The following IGLON5 variants were observed in gnomAD, a reference collection of about 807,000 sequenced individuals.
The protein encoded by IGLON5 is IgLON family member 5, also known as Ig-like domain-containing protein ENSP00000270642.
IGLON5 carries 16 observed loss-of-function variants against 38.2 expected under a neutral mutation model. The observed-to-expected ratio is 0.42, with a 90% CI of 0.28 to 0.64. The LOEUF is 0.64. Ranked by LOEUF, IGLON5 falls within the 30% of genes least tolerant of loss-of-function variation. IGLON5 has a pLI of 0.23. For synonymous variants in IGLON5, 207 were observed against 216.4 expected (o/e 0.96, Z 0.38); for missense variants, 366 against 483.4 (o/e 0.76, Z 2.28).
At chr19:51,322,796 CCCCCTCTCTCTCTGGGTCTCTGTA>C (rs1483734097) in intron 2 of IGLON5, among the ~76,000 whole-genome samples, 1 of 150,834 alleles carries the variant, frequency 6.6e-6, no homozygotes, top group Non-Finnish European at 1.5e-5. Context: ...GGGTCTCTGC[CCCCCTCTCTCTCTGGGTCTCTGTA>C]CCCCTCTCTC....
In IGLON5 at chr19:51,330,060, CCAGA is replaced by C. The variant is rs945696080; in HGVS notation, c.*1304_*1307del. 11 of 152,298 alleles carry C rather than the reference CCAGA, an allele frequency of 7.2e-5. No individual in the cohort carries two copies. Among genetic ancestry groups the C allele is most frequent in the African/African-American group, 2.7e-4 (11 of 41,424 alleles). 9.4% of individuals were successfully genotyped at this position (152,298 alleles called of 1,614,324 possible). A position where few individuals can be genotyped will look rare whatever the true frequency, so the allele number is the denominator to read the frequency against. ...GAGGCATCACACAGACATCCTGAGC[CCAGA>C]CAAAGATGCCATGTCACCAACTCCG... is the stretch of plus-strand genomic sequence containing the variant. On this transcript the variant is annotated 3_prime_UTR_variant, in exon 8 of 8. Coordinates refer to ENST00000270642, the MANE Select transcript of IGLON5 (RefSeq NM_001101372.3).
At position 51,327,614 on chromosome 19, in the gene IGLON5, A is replaced by C; in HGVS notation, c.768-118A>C. The C allele has an allele frequency of 7.1e-7, 1 of 1,401,518 alleles. No individual in the cohort carries two copies. The allele number at this position is 1,401,518 out of a possible 1,614,324, so 86.8% of individuals were successfully genotyped here. A position where few individuals can be genotyped will look rare whatever the true frequency, so the allele number is the denominator to read the frequency against. ...ACATGAGGTGCTAGAACCCGAGGCGATGGGTCACTGGGGTAGGGGGCAGAA... is the reference window on the plus strand; with the variant it reads ...ACATGAGGTGCTAGAACCCGAGGCGCTGGGTCACTGGGGTAGGGGGCAGAA... On this transcript the variant is annotated intron_variant, in intron 6 of 7. Coordinates refer to ENST00000270642, the MANE Select transcript of IGLON5 (RefSeq NM_001101372.3). The surrounding 1 kb of genome is among the most constrained non-coding windows in gnomAD (Gnocchi z 7.1).
At chr19:51,316,869 C>G (rs1165640257) in intron 1 of IGLON5, among the ~76,000 whole-genome samples, 1 of 152,054 alleles carries the variant, frequency 6.6e-6, no homozygotes, top group African/African-American at 2.4e-5. Flanking sequence ...ATAACAGGCC[C>G]AGCCCCTTCT....
chr19:51,328,992 ACGTTTC>A lies in IGLON5; in HGVS notation c.*236_*241del, dbSNP rs1568460327. The A allele has an allele frequency of 2.2e-6, 1 of 461,466 alleles. No individual in the cohort carries two copies. The highest frequency in any genetic ancestry group is 3.9e-6 in the Non-Finnish European group (1 of 258,624). The allele number at this position is 461,466 out of a possible 1,614,324, so 28.6% of individuals were successfully genotyped here. On this transcript the variant is annotated 3_prime_UTR_variant, in exon 8 of 8. Coordinates refer to ENST00000270642, the MANE Select transcript of IGLON5 (RefSeq NM_001101372.3). ...CTACAGCCATTCTCGCCACCCGTTC[ACGTTTC>A]CGATTGTGACCCACTCCCGCCACCC... is the stretch of plus-strand genomic sequence containing the variant.
At chr19:51,315,583 T>C (rs1472011097) in intron 1 of IGLON5, among the ~76,000 whole-genome samples, 1 of 151,346 alleles carries the variant, frequency 6.6e-6, no homozygotes, top group Non-Finnish European at 1.5e-5. Flanking sequence ...ATGAGTAATG[T>C]AAAGAAGATA....
At chr19:51,328,603 C>A in intron 7 of IGLON5, 68 bp from the exon 8 acceptor site, 1 of 1,007,694 alleles carries the variant, frequency 9.9e-7, no homozygotes, top group South Asian at 1.7e-5. Context: ...GAGATGGGGC[C>A]CCTGGAGAGA....
At chr19:51,313,703 TTC>T (rs377190482) in intron 1 of IGLON5, among the ~76,000 whole-genome samples, 2 of 124,494 alleles carry the variant, frequency 1.6e-5, no homozygotes, top group Non-Finnish European at 3.5e-5. Context: ...TTCTTCTTTC[TTC>T]TCTTTTTTTC....
intron 1 of IGLON5, among the ~76,000 whole-genome samples, chr19:51,313,626 TC>T: frequency 1.6e-5 from 2 of 128,100 alleles, no homozygotes; most frequent in Non-Finnish European, 1.5e-5. Flanking sequence ...TCCTTCTTTC[TC>T]TTTTTCTCTC....
At position 51,328,900 on chromosome 19, in the gene IGLON5, A is replaced by C. The variant is rs1040809033; in HGVS notation, c.*141A>C. 3.0e-5 allele frequency: 17 copies of C among 563,260 alleles called. 1 individual carries two copies. Among genetic ancestry groups the C allele is most frequent in the African/African-American group, 1.6e-4 (8 of 51,124 alleles). The allele number at this position is 563,260 out of a possible 1,614,324, so 34.9% of individuals were successfully genotyped here. A position where few individuals can be genotyped will look rare whatever the true frequency, so the allele number is the denominator to read the frequency against. Reference sequence around the variant, plus strand: ...GAAGAAGAGAGAGGAGAAGAGGAGGAGGCAGAGGAAGAAAGATCTTCAGAG... The same window carrying C: ...GAAGAAGAGAGAGGAGAAGAGGAGGCGGCAGAGGAAGAAAGATCTTCAGAG... On this transcript the variant is annotated 3_prime_UTR_variant, in exon 8 of 8. Transcript: ENST00000270642.
Position 51,324,415 on chromosome 19 carries a change from G to A in IGLON5, c.391+521G>A, listed in dbSNP as rs953138526. Among the ~76,000 whole-genome samples the A allele has an allele frequency of 6.6e-6, 1 of 152,184 alleles. No individual in the cohort carries two copies. Among genetic ancestry groups the A allele is most frequent in the Admixed American group, 6.5e-5 (1 of 15,284 alleles). On this transcript the variant is annotated intron_variant, in intron 3 of 7. Transcript: ENST00000270642. The surrounding 1 kb of genome is among the most constrained non-coding windows in gnomAD (Gnocchi z 4.2). ...GCGCCAGATCCAGAGCAGGAGAGAT[G>A]GGGCTGGAGAGCTCCACAGTGAGGC...
chr19:51,322,076 A>G lies in IGLON5; in HGVS notation c.92A>G (p.Gln31Arg), dbSNP rs1363055888. 1 of 1,613,212 alleles carries G rather than the reference A, an allele frequency of 6.2e-7. No individual in the cohort carries two copies. Among genetic ancestry groups the G allele is most frequent in the African/African-American group, 1.3e-5 (1 of 74,932 alleles). ...CCACCTTCCACAGGGCTGCTCTCCC[A>G]GAGCCTGGAGTTCAACTCTCCTGCC... is the stretch of plus-strand genomic sequence containing the variant. ...LAVISRGLLS[Q>R]SLEFNSPADN... The change falls in exon 2 of 8, where the codon CAG becomes CGG. Residue 31 changes from glutamine (Q) to arginine (R), a missense_variant. Gln to Arg is a conservative substitution (Grantham distance 43, BLOSUM62 1). Transcript: ENST00000270642.
intron 7 of IGLON5, among the ~76,000 whole-genome samples, chr19:51,328,356 A>T (rs1307048119): frequency 6.6e-6 from 1 of 151,016 alleles, no homozygotes; most frequent in African/African-American, 2.4e-5. Flanking sequence ...AAAAAAAAAT[A>T]CAAAAATTAG....
At chr19:51,328,505 G>GAA (rs61422289) in intron 7 of IGLON5, among the ~76,000 whole-genome samples, 166 bp from the exon 8 acceptor site, 100 of 111,120 alleles carry the variant, frequency 9.0e-4, no homozygotes, top group South Asian at 2.4e-3. Flanking sequence ...CTCAAAAAAA[G>GAA]AAAAAAAAAA....
At position 51,328,915 on chromosome 19, in the gene IGLON5, G is replaced by C. The variant is rs1985281625; in HGVS notation, c.*156G>C. 2 of 545,290 alleles carry C rather than the reference G, an allele frequency of 3.7e-6. No individual in the cohort carries two copies. The highest frequency in any genetic ancestry group is 4.8e-5 in the South Asian group (2 of 41,946). The allele number at this position is 545,290 out of a possible 1,614,324, so 33.8% of individuals were successfully genotyped here. A position where few individuals can be genotyped will look rare whatever the true frequency, so the allele number is the denominator to read the frequency against. On this transcript the variant is annotated 3_prime_UTR_variant, in exon 8 of 8. Transcript: ENST00000270642. ...GAAGAGGAGGAGGCAGAGGAAGAAAGATCTTCAGAGAACCCATCACTGTGA... is the reference window on the plus strand; with the variant it reads ...GAAGAGGAGGAGGCAGAGGAAGAAACATCTTCAGAGAACCCATCACTGTGA...
rs532813062 is a variant in IGLON5, at chr19:51,329,196, T to C, written c.*437T>C. The C allele has an allele frequency of 1.3e-5, 2 of 158,606 alleles. No homozygotes were observed. Among genetic ancestry groups the C allele is most frequent in the South Asian group, 3.4e-4 (2 of 5,880 alleles). The allele number at this position is 158,606 out of a possible 1,614,324, so 9.8% of individuals were successfully genotyped here. ...CCGCCCCCAAAACCCCCATGTCCAC[T>C]GTCCCCAACCCTATTGCCTCTCACC... On this transcript the variant is annotated 3_prime_UTR_variant, in exon 8 of 8. Coordinates refer to ENST00000270642, the MANE Select transcript of IGLON5 (RefSeq NM_001101372.3). The surrounding 1 kb of genome is among the most constrained non-coding windows in gnomAD (Gnocchi z 4.3).
intron 5 of IGLON5, 62 bp downstream of exon 5, chr19:51,326,960 G>T: frequency 1.3e-6 from 2 of 1,573,258 alleles, no homozygotes; most frequent in Non-Finnish European, 1.7e-6. Flanking sequence ...GGGGAGGAGG[G>T]ATCTGGGGGA....
rs1328902321 is a variant in IGLON5, at chr19:51,322,254, T to G, written c.158+112T>G. On this transcript the variant is annotated intron_variant, in intron 2 of 7. Transcript: ENST00000270642. The stretch of plus-strand genomic sequence containing the variant: ...AGGAACAGCCTGGGATGGGAAGACT[T>G]GGGCTCCACATTCCCCCTCAGTAGC... The G allele has an allele frequency of 4.7e-6, 4 of 848,164 alleles. No homozygotes were observed. In the East Asian group the frequency reaches 1.0e-4, roughly 21 times the overall value. The allele number at this position is 848,164 out of a possible 1,614,324, so 52.5% of individuals were successfully genotyped here.
At chr19:51,315,498 T>C (rs1471500112) in intron 1 of IGLON5, among the ~76,000 whole-genome samples, 1 of 152,088 alleles carries the variant, frequency 6.6e-6, no homozygotes, top group Non-Finnish European at 1.5e-5. Context: ...GCTTAGATCA[T>C]AGTGGGATGG....
At position 51,325,282 on chromosome 19, in the gene IGLON5, AGGAG is replaced by A; in HGVS notation, c.392-62_392-59del. 2 of 1,578,874 alleles carry A rather than the reference AGGAG, an allele frequency of 1.3e-6. No homozygotes were observed. The highest frequency in any genetic ancestry group is 1.7e-6 in the Non-Finnish European group (2 of 1,163,068). On this transcript the variant is annotated intron_variant, in intron 3 of 7. Transcript: ENST00000270642. This position sits in a 1 kb window ranked among gnomAD's most constrained non-coding sequence, Gnocchi z 5.5. ...TGGGGGTCTGGACTCCTGGGTCTGAAGGAGGAAGGGCTGGGGGCCTGGATTCCTG... is the reference window on the plus strand; with the variant it reads ...TGGGGGTCTGGACTCCTGGGTCTGAAGAAGGGCTGGGGGCCTGGATTCCTG...
Sources: allele counts gnomAD v4.1 joint callset (sites outside exome capture counted in the v4.1 genomes callset), GRCh38; gene constraint gnomAD v4.1.1; non-coding constraint Gnocchi (gnomAD v3.1); transcripts MANE v1.5; gene names NCBI Gene and HGNC (gene_info 2026-07-23, HGNC 2026-07-21).